The following SERPINI2 variants were observed in gnomAD, a reference collection of about 807,000 sequenced individuals.
SERPINI2 encodes the protein serpin family I member 2.
In SERPINI2, 48 loss-of-function variants were observed where a neutral mutation model predicts 47.3. The observed-to-expected ratio is 1.02, with a 90% CI of 0.81 to 1.29. The LOEUF is 1.29. SERPINI2 is among the 50% of genes most tolerant of loss of function. The pLI is 0.00. For missense variants in SERPINI2, 448 were observed against 456.9 expected (o/e 0.98, Z 0.18); for synonymous variants, 135 against 149.3 (o/e 0.90, Z 0.70).
intron 8 of SERPINI2, among the ~76,000 whole-genome samples, chr3:167,443,178 G>T (rs1362035557): frequency 6.6e-6 from 1 of 152,158 alleles, no homozygotes; most frequent in African/African-American, 2.4e-5. Context: ...CGGGATCTCC[G>T]CTCATTGCAA....
At chr3:167,442,161 A>C in exon 9 of SERPINI2, 1 of 1,599,036 alleles carries the variant, frequency 6.3e-7, no homozygotes, top group South Asian at 1.1e-5. Flanking sequence ...AGGATTTGTC[A>C]CTCTTCCCAT....
exon 5 of SERPINI2, chr3:167,465,311 G>T (rs1223998040): frequency 2.5e-5 from 40 of 1,612,918 alleles, no homozygotes; most frequent in Non-Finnish European, 3.3e-5. Flanking sequence ...CATACCTTCT[G>T]CAGGAAGTAT....
At chr3:167,460,889 G>A (rs1749962885) in intron 5 of SERPINI2, among the ~76,000 whole-genome samples, 1 of 152,078 alleles carries the variant, frequency 6.6e-6, no homozygotes, top group South Asian at 2.1e-4. Context: ...ATACCATGAA[G>A]CATGCTAGGA....
chr3:167,473,318 A>G (rs939430915), intron 1 of SERPINI2, among the ~76,000 whole-genome samples: 1 of 151,716 alleles, frequency 6.6e-6, no homozygotes, highest in African/African-American at 2.4e-5. Flanking sequence ...TGAGCTTATA[A>G]ATGAGAGTGC....
At chr3:167,442,131 C>T (rs1183375129) in exon 9 of SERPINI2, 2 of 1,602,770 alleles carry the variant, frequency 1.2e-6, no homozygotes, top group Non-Finnish European at 8.5e-7. Context: ...TAAATCTCTT[C>T]CTTTTATCTC....
intron 5 of SERPINI2, among the ~76,000 whole-genome samples, chr3:167,461,788 T>A (rs925656754): frequency 2.7e-5 from 4 of 149,776 alleles, no homozygotes; most frequent in Non-Finnish European, 5.9e-5. Flanking sequence ...TGTTTTTTTA[T>A]TTTTTTTATT....
At chr3:167,454,959 G>C (rs1049924144) in intron 5 of SERPINI2, among the ~76,000 whole-genome samples, 6 of 152,158 alleles carry the variant, frequency 3.9e-5, no homozygotes, top group African/African-American at 1.4e-4. Context: ...GGTTAAGGTA[G>C]GTTCCAGAGG....
chr3:167,449,247 G>T (rs1749572379), intron 7 of SERPINI2, 69 bp downstream of exon 7: 2 of 1,041,890 alleles, frequency 1.9e-6, no homozygotes. Flanking sequence ...ACTTCAAAAG[G>T]GTCAGCACCA....
intron 8 of SERPINI2, 52 bp downstream of exon 8, chr3:167,446,340 C>A: frequency 8.2e-7 from 1 of 1,222,868 alleles, no homozygotes; most frequent in East Asian, 2.4e-5. Context: ...GAAACTGGAA[C>A]TAGTTCTGCT....
intron 2 of SERPINI2, among the ~76,000 whole-genome samples, chr3:167,470,131 G>T (rs888501693): frequency 6.6e-6 from 1 of 152,118 alleles, no homozygotes; most frequent in East Asian, 1.9e-4. Context: ...CACAAATATT[G>T]TATTACTTTT....
intron 5 of SERPINI2, among the ~76,000 whole-genome samples, chr3:167,459,200 G>T (rs990342936): frequency 6.7e-6 from 1 of 149,686 alleles, no homozygotes; most frequent in Non-Finnish European, 1.5e-5. Flanking sequence ...TCAGCCTCCC[G>T]AGTAGCTGGG....
At chr3:167,475,729 G>A (rs570607964), upstream of SERPINI2, among the ~76,000 whole-genome samples, 3 of 147,714 alleles carry the variant, frequency 2.0e-5, no homozygotes, top group Non-Finnish European at 3.0e-5. Context: ...AAATCGGGGT[G>A]GGGGGAGAAT....
At chr3:167,444,765 A>G (rs182330424) in intron 8 of SERPINI2, among the ~76,000 whole-genome samples, 22 of 152,308 alleles carry the variant, frequency 1.4e-4, no homozygotes, top group African/African-American at 5.1e-4. Context: ...AACTGTCATT[A>G]AGACCTGCTA....
intron 5 of SERPINI2, 67 bp downstream of exon 5, chr3:167,465,139 G>T: frequency 7.4e-7 from 1 of 1,346,966 alleles, no homozygotes; most frequent in Non-Finnish European, 1.0e-6. Context: ...TTACCTTTCA[G>T]CTGACTGCTC....
chr3:167,470,921 G>A (rs1750297968), intron 2 of SERPINI2, among the ~76,000 whole-genome samples: 1 of 151,520 alleles, frequency 6.6e-6, no homozygotes, highest in Non-Finnish European at 1.5e-5. Context: ...AGTCCATGAG[G>A]AGACTCCAAC....
chr3:167,464,351 G>C (rs1045762693), intron 5 of SERPINI2, among the ~76,000 whole-genome samples: 5 of 152,104 alleles, frequency 3.3e-5, no homozygotes, highest in African/African-American at 1.2e-4. Flanking sequence ...ATTGAGGATA[G>C]TTGAGAAGAG....
At chr3:167,471,757 A>G (rs1750330276) in exon 2 of SERPINI2, 1 of 1,613,644 alleles carries the variant, frequency 6.2e-7, no homozygotes, top group East Asian at 2.2e-5. Flanking sequence ...CAAATTCGGT[A>G]TTTTTTTGAG....
chr3:167,456,690 A>G (rs748117994), intron 5 of SERPINI2, among the ~76,000 whole-genome samples: 3 of 152,182 alleles, frequency 2.0e-5, no homozygotes, highest in Admixed American at 6.5e-5. Context: ...CTGTGTGACC[A>G]TAGGCAAGGT....
At chr3:167,454,722 A>G (rs1422366096) in intron 5 of SERPINI2, among the ~76,000 whole-genome samples, 1 of 152,224 alleles carries the variant, frequency 6.6e-6, no homozygotes, top group East Asian at 1.9e-4. Context: ...AACCTACAGC[A>G]ATAAAAACAC....
Sources: gnomAD v4.1 joint callset for allele counts (sites outside exome capture counted in the v4.1 genomes callset) on GRCh38, gnomAD v4.1.1 for gene constraint, MANE v1.5 for transcripts, NCBI Gene and HGNC (gene_info 2026-07-23, HGNC 2026-07-21) for gene names.